Variants in ZNF548 observed in about 807,000 individuals in gnomAD.
The protein encoded by ZNF548 is zinc finger protein 548.
A neutral mutation model predicts 10.2 loss-of-function variants in ZNF548; 10 were observed. That is an observed-to-expected ratio of 0.98 (90% CI 0.60 to 1.66). ZNF548 has a LOEUF of 1.66. Ranked by LOEUF, ZNF548 falls within the 40% of genes most tolerant of loss-of-function variation. The probability of loss-of-function intolerance (pLI) is 0.00; values close to 1 mark genes in which losing one functional copy is unlikely to be tolerated. For synonymous variants in ZNF548, 217 were observed against 223.5 expected (o/e 0.97, Z 0.26); for missense variants, 599 against 657.0 (o/e 0.91, Z 0.97).
intron 1 of ZNF548, among the ~76,000 whole-genome samples, chr19:57,391,922 C>T (rs2088629256): frequency 6.6e-6 from 1 of 151,860 alleles, no homozygotes; most frequent in Non-Finnish European, 1.5e-5. Context: ...CTCAGCCTCC[C>T]AAGTAGCTGG....
chr19:57,393,688 A>G, intron 1 of ZNF548, among the ~76,000 whole-genome samples: 1 of 28,864 alleles, frequency 3.5e-5, no homozygotes, highest in Non-Finnish European at 6.4e-5. Flanking sequence ...AGGGGAGGGG[A>G]GGGGAGGGCA....
At chr19:57,397,711 C>T (rs1034957292) in intron 3 of ZNF548, among the ~76,000 whole-genome samples, 1 of 152,134 alleles carries the variant, frequency 6.6e-6, no homozygotes, top group Admixed American at 6.5e-5. Context: ...AGAGAGGGCC[C>T]CAGGCACCTG....
intron 2 of ZNF548, 145 bp from the exon 3 acceptor site, chr19:57,396,903 G>A: frequency 8.2e-7 from 1 of 1,219,506 alleles, no homozygotes; most frequent in Non-Finnish European, 1.1e-6. Flanking sequence ...TATGGGCCCA[G>A]GGTGGTAGGG....
At chr19:57,397,267 G>C (rs749152034) in intron 3 of ZNF548, 93 bp downstream of exon 3, 2 of 1,443,748 alleles carry the variant, frequency 1.4e-6, no homozygotes, top group Non-Finnish European at 1.8e-6. Flanking sequence ...GTGAGACCGT[G>C]GGTGCTGCTT....
chr19:57,392,972 G>A (rs1011586099), intron 1 of ZNF548: 14 of 985,572 alleles, frequency 1.4e-5, no homozygotes, highest in Non-Finnish European at 1.7e-5. Flanking sequence ...CTGGGATGGA[G>A]GCTGAAGTGT....
chr19:57,399,804 G>C lies in ZNF548; in HGVS notation c.1553G>C (p.Cys518Ser), dbSNP rs2123047479. 2 of 1,613,962 alleles carry C rather than the reference G, an allele frequency of 1.2e-6. No individual in the cohort carries two copies. The highest frequency in any genetic ancestry group is 4.5e-5 in the East Asian group (2 of 44,878). Residue 518 changes from cysteine (C) to serine (S), a missense_variant, in exon 4 of 4, where the codon TGC becomes TCC. Transcript: ENST00000336128. The surrounding 1 kb of genome is among the most constrained non-coding windows in gnomAD (Gnocchi z 4.0). ...ATCCACAGTGAAGAGAGGCTTGTGTGCTCCATGAATGTGGGGAATTCTTTA... is the reference window on the plus strand; with the variant it reads ...ATCCACAGTGAAGAGAGGCTTGTGTCCTCCATGAATGTGGGGAATTCTTTA... ...QKIHSEERLV[C>S]SMNVGNSLAK...
rs945853402 is a variant in ZNF548 at position 57,401,077 on chromosome 19, T to C, written c.*1188T>C. ...GACTATTTGCTTTTTGTTGTTGAGT[T>C]GTAGTTCTTTATACATTCTGGATAT... On this transcript the variant is annotated 3_prime_UTR_variant, in exon 4 of 4. Coordinates refer to ENST00000336128, the MANE Select transcript of ZNF548 (RefSeq NM_001172773.2). 8 of 152,236 alleles carry C rather than the reference T, an allele frequency of 5.3e-5. No individual in the cohort carries two copies. The highest frequency in any genetic ancestry group is 1.9e-4 in the African/African-American group (8 of 41,456). The allele number at this position is 152,236 out of a possible 1,614,324, so 9.4% of individuals were successfully genotyped here.
intron 2 of ZNF548, among the ~76,000 whole-genome samples, chr19:57,396,624 C>T (rs1042510397): frequency 6.6e-6 from 1 of 152,178 alleles, no homozygotes; most frequent in Non-Finnish European, 1.5e-5. Flanking sequence ...CTTGCATTTC[C>T]CCAAGGGGGG....
In ZNF548 at chr19:57,399,717, A is replaced by G. The variant is rs746576849; in HGVS notation, c.1466A>G (p.Tyr489Cys). 1.2e-6 allele frequency: 2 copies of G among 1,614,228 alleles called. No homozygotes were observed. Among genetic ancestry groups the G allele is most frequent in the Non-Finnish European group, 8.5e-7 (1 of 1,180,032 alleles). The change falls in exon 4 of 4, where the codon TAT (tyrosine) becomes TGT (cysteine). Residue 489 changes from tyrosine to cysteine, a missense_variant. Tyr to Cys is a radical substitution (Grantham distance 194). Coordinates refer to ENST00000336128, the MANE Select transcript of ZNF548 (RefSeq NM_001172773.2). The surrounding 1 kb of genome is among the most constrained non-coding windows in gnomAD (Gnocchi z 4.0). ...AAAATCCACAGTGGAGAAAGACCTT[A>G]TGAGTGCAGCGAATGCCAGAAGGCC... ...HQKIHSGERP[Y>C]ECSECQKAFI...
intron 2 of ZNF548, 123 bp from the exon 3 acceptor site, chr19:57,396,925 A>G: frequency 1.4e-6 from 2 of 1,390,992 alleles, no homozygotes; most frequent in Non-Finnish European, 1.9e-6. Context: ...AGATGGAAAC[A>G]CATTTGGCTG....
At position 57,398,461 on chromosome 19, in the gene ZNF548, A is replaced by G; in HGVS notation, c.210A>G (p.Ala70=). 1 of 1,614,050 alleles carries G rather than the reference A, an allele frequency of 6.2e-7. No homozygotes were observed. The highest frequency in any genetic ancestry group is 8.5e-7 in the Non-Finnish European group (1 of 1,179,908). ...GSWHGAEDEE[A]PSQQGFSVGV... ...GGCATGGAGCTGAGGATGAGGAGGC[A>G]CCTTCACAGCAAGGTTTTTCTGTAG... Residue 70 remains alanine, a synonymous_variant, in exon 4 of 4, where the codon GCA becomes GCG. Coordinates refer to ENST00000336128, the MANE Select transcript of ZNF548 (RefSeq NM_001172773.2).
chr19:57,397,110 T>C lies in ZNF548; in HGVS notation c.114T>C (p.Asp38=). Residue 38 remains aspartate (D), a synonymous_variant, in exon 3 of 4, where the codon GAT becomes GAC. Transcript: ENST00000336128. ...YFSQEEWGHL[D]EAQRLLYRDV... ...CCCAGGAGGAGTGGGGGCACCTTGA[T>C]GAGGCTCAGAGATTGCTGTACCGTG... is the stretch of plus-strand genomic sequence containing the variant. The C allele has an allele frequency of 6.2e-7, 1 of 1,613,772 alleles. No homozygotes were observed. Among genetic ancestry groups the C allele is most frequent in the Non-Finnish European group, 8.5e-7 (1 of 1,179,792 alleles).
At chr19:57,391,070 A>G (rs574184736) in intron 1 of ZNF548, among the ~76,000 whole-genome samples, 1 of 152,338 alleles carries the variant, frequency 6.6e-6, no homozygotes, top group African/African-American at 2.4e-5. Context: ...TGAATAATGT[A>G]CATTGTATCC....
At chr19:57,392,392 GT>G (rs2088633287) in intron 1 of ZNF548, among the ~76,000 whole-genome samples, 1 of 152,116 alleles carries the variant, frequency 6.6e-6, no homozygotes, top group Non-Finnish European at 1.5e-5. Context: ...GTTTCCCTGA[GT>G]TTTCCTTTAG....
rs550288502 is a variant in ZNF548, at chr19:57,390,028, A to C, written c.-72A>C. The C allele has an allele frequency of 6.4e-7, 1 of 1,572,374 alleles. No individual in the cohort carries two copies. Among genetic ancestry groups the C allele is most frequent in the African/African-American group, 1.3e-5 (1 of 74,656 alleles). ...GAGTCAACTGACAAGCGCTGGGGAC[A>C]GTGGCGTCCTTGTCTTGCCTTTGTC... On this transcript the variant is annotated 5_prime_UTR_variant, in exon 1 of 4. Coordinates refer to ENST00000336128, the MANE Select transcript of ZNF548 (RefSeq NM_001172773.2).
rs751605367 is a variant in ZNF548, at chr19:57,398,412, G to A, written c.179-18G>A. On this transcript the variant is annotated intron_variant, in intron 3 of 3. Transcript: ENST00000336128. The stretch of plus-strand genomic sequence containing the variant: ...ACCAGAGTCAACATGCACTTCTCCA[G>A]CATTTCTGTTCTGACAGGTTCTTGG... 1.2e-6 allele frequency: 2 copies of A among 1,607,024 alleles called. No individual in the cohort carries two copies. The highest frequency in any genetic ancestry group is 2.2e-5 in the South Asian group (2 of 90,866).
intron 1 of ZNF548, among the ~76,000 whole-genome samples, chr19:57,391,988 G>A (rs1295973179): frequency 6.6e-6 from 1 of 151,646 alleles, no homozygotes; most frequent in African/African-American, 2.4e-5. Context: ...TAGTAGAGAC[G>A]GGGTTTCACC....
rs2088708843 is a variant in ZNF548 at position 57,400,672 on chromosome 19, A to G, written c.*783A>G. The G allele has an allele frequency of 6.6e-6, 1 of 152,192 alleles. No homozygotes were observed. Among genetic ancestry groups the G allele is most frequent in the Admixed American group, 6.6e-5 (1 of 15,266 alleles). 9.4% of individuals were successfully genotyped at this position (152,192 alleles called of 1,614,324 possible). ...ATGGTCCTGATCTCCTGACCTTGTG[A>G]TCTGCCTGCCTTGGCCTCTCAAAGT... On this transcript the variant is annotated 3_prime_UTR_variant, in exon 4 of 4. Coordinates refer to ENST00000336128, the MANE Select transcript of ZNF548 (RefSeq NM_001172773.2).
rs898618967 is a variant in ZNF548, at chr19:57,395,525, A to G, written c.51+1302A>G. Reference sequence around the variant, plus strand: ...GAAACACAATCCTGGCGGAAGGTGAAGGGGAAGCGAGGCACATCTTCCCAT... The same window carrying G: ...GAAACACAATCCTGGCGGAAGGTGAGGGGGAAGCGAGGCACATCTTCCCAT... On this transcript the variant is annotated intron_variant, in intron 2 of 3. Coordinates refer to ENST00000336128, the MANE Select transcript of ZNF548 (RefSeq NM_001172773.2). This position sits in a 1 kb window ranked among gnomAD's most constrained non-coding sequence, Gnocchi z 4.8. 2.6e-5 allele frequency among the ~76,000 whole-genome samples: 4 copies of G among 152,156 alleles called. No individual in the cohort carries two copies. The highest frequency in any genetic ancestry group is 6.5e-5 in the Admixed American group (1 of 15,280).
Sources: gnomAD v4.1 joint callset for allele counts (sites outside exome capture counted in the v4.1 genomes callset) on GRCh38, gnomAD v4.1.1 for gene constraint, Gnocchi (gnomAD v3.1) non-coding constraint, MANE v1.5 for transcripts, NCBI Gene and HGNC (gene_info 2026-07-23, HGNC 2026-07-21) for gene names.